The following ARHGEF28 variants were observed in gnomAD, a reference collection of about 807,000 sequenced individuals.
The protein encoded by ARHGEF28 is 190 kDa guanine nucleotide exchange factor.
In ARHGEF28, 152 loss-of-function variants were observed where a neutral mutation model predicts 206.6. That is an observed-to-expected ratio of 0.74 (90% CI 0.64 to 0.84). The LOEUF (loss-of-function observed/expected upper bound fraction) is 0.84. Ranked by LOEUF, ARHGEF28 falls within the 40% of genes least tolerant of loss-of-function variation. The pLI, the probability that ARHGEF28 is intolerant of heterozygous loss-of-function variation, is 0.00. For missense variants in ARHGEF28, 2,028 were observed against 2,073.2 expected (o/e 0.98, Z 0.42); for synonymous variants, 763 against 776.4 (o/e 0.98, Z 0.29).
intron 2 of ARHGEF28, among the ~76,000 whole-genome samples, chr5:73,739,196 A>G (rs1751207704): frequency 6.6e-6 from 1 of 152,086 alleles, no homozygotes; most frequent in Non-Finnish European, 1.5e-5. Flanking sequence ...CTTTATTATT[A>G]TAAATGTGTT....
chr5:73,687,336 A>G (rs985742502), intron 2 of ARHGEF28, among the ~76,000 whole-genome samples: 14 of 151,878 alleles, frequency 9.2e-5, no homozygotes, highest in Admixed American at 6.6e-4. Flanking sequence ...TATTAAATGT[A>G]TATTATAAAT....
intron 35 of ARHGEF28, among the ~76,000 whole-genome samples, chr5:73,932,271 T>C (rs975549477): frequency 6.6e-6 from 1 of 152,218 alleles, no homozygotes; most frequent in Non-Finnish European, 1.5e-5. Flanking sequence ...TCTGACATAC[T>C]TTTTCATGGC....
At chr5:73,761,480 G>T (rs1198773846) in intron 4 of ARHGEF28, among the ~76,000 whole-genome samples, 1 of 152,152 alleles carries the variant, frequency 6.6e-6, no homozygotes, top group Non-Finnish European at 1.5e-5. Flanking sequence ...AGCCAGAAGA[G>T]ATGGTACATT....
intron 1 of ARHGEF28, among the ~76,000 whole-genome samples, chr5:73,671,948 G>C (rs55756324): frequency 0.38 from 56,998 of 150,116 alleles, 11,951 homozygotes; most frequent in Admixed American, 0.54. Flanking sequence ...GTAGAGATGG[G>C]GTTTCACTAT....
At chr5:73,906,037 A>G (rs1762529858) in intron 33 of ARHGEF28, among the ~76,000 whole-genome samples, 2 of 152,266 alleles carry the variant, frequency 1.3e-5, no homozygotes, top group Admixed American at 1.3e-4. Flanking sequence ...AGCAGAAAAT[A>G]TAAAGGCATG....
chr5:73,723,700 G>T (rs1006722967), intron 2 of ARHGEF28, among the ~76,000 whole-genome samples: 2 of 152,146 alleles, frequency 1.3e-5, no homozygotes, highest in Admixed American at 6.5e-5. Flanking sequence ...CATTTAAGAG[G>T]ATAAGCCATT....
At chr5:73,816,738 C>A (rs778880542) in intron 9 of ARHGEF28, among the ~76,000 whole-genome samples, 1 of 152,210 alleles carries the variant, frequency 6.6e-6, no homozygotes, top group Non-Finnish European at 1.5e-5. Context: ...GAAGCAGTGC[C>A]TTTGGAAATG....
chr5:73,926,972 G>T (rs1763850006), intron 35 of ARHGEF28, among the ~76,000 whole-genome samples: 1 of 152,120 alleles, frequency 6.6e-6, no homozygotes, highest in Admixed American at 6.5e-5. Flanking sequence ...CCATTAAAGA[G>T]GAGTTAATTA....
At chr5:73,629,492 A>G (rs1743225416) in intron 1 of ARHGEF28, among the ~76,000 whole-genome samples, 1 of 141,138 alleles carries the variant, frequency 7.1e-6, no homozygotes, top group Non-Finnish European at 1.5e-5. Flanking sequence ...TGGGTGACAG[A>G]AAAAGACTCT....
chr5:73,761,234 A>G (rs921836515), intron 4 of ARHGEF28, among the ~76,000 whole-genome samples: 1 of 152,174 alleles, frequency 6.6e-6, no homozygotes, highest in Non-Finnish European at 1.5e-5. Flanking sequence ...AATGACAGTA[A>G]CCAAGGAATA....
At chr5:73,777,604 G>T (rs189516814) in intron 6 of ARHGEF28, among the ~76,000 whole-genome samples, 27 of 152,196 alleles carry the variant, frequency 1.8e-4, no homozygotes, top group African/African-American at 6.5e-4. Flanking sequence ...ATTATTATTG[G>T]CTTACTCCAT....
chr5:73,787,413 G>T, intron 7 of ARHGEF28, among the ~76,000 whole-genome samples: 1 of 152,156 alleles, frequency 6.6e-6, no homozygotes, highest in Non-Finnish European at 1.5e-5. Flanking sequence ...TTATTATTAA[G>T]TTCTGGGATA....
rs926071964 is a variant in ARHGEF28, at chr5:73,901,080, T to A, written c.3974-104T>A. On this transcript the variant is annotated intron_variant, in intron 30 of 35. Coordinates refer to ENST00000513042, the MANE Select transcript of ARHGEF28 (RefSeq NM_001177693.2). The stretch of plus-strand genomic sequence containing the variant: ...ACTCAATATGTATTATTTTGTGGTG[T>A]TTCCTATTTTGAAATATGTGTTGGC... The A allele has an allele frequency of 1.2e-5, 10 of 837,644 alleles. No individual in the cohort carries two copies. In the Admixed American group the frequency reaches 1.5e-4, roughly 13 times the overall value. 51.9% of individuals were successfully genotyped at this position (837,644 alleles called of 1,614,324 possible).
chr5:73,650,375 C>G (rs1287299504), intron 1 of ARHGEF28, among the ~76,000 whole-genome samples: 1 of 144,814 alleles, frequency 6.9e-6, no homozygotes, highest in East Asian at 2.1e-4. Flanking sequence ...ACTTCCGCCT[C>G]TTGGGTTCAA....
At chr5:73,691,734 A>T (rs1208614302) in intron 2 of ARHGEF28, among the ~76,000 whole-genome samples, 2 of 152,228 alleles carry the variant, frequency 1.3e-5, no homozygotes, top group Non-Finnish European at 2.9e-5. Context: ...GATACTTTGT[A>T]TAAACTCCTA....
chr5:73,713,715 A>G (rs566307292), intron 2 of ARHGEF28, among the ~76,000 whole-genome samples: 1 of 152,306 alleles, frequency 6.6e-6, no homozygotes, highest in Admixed American at 6.5e-5. Context: ...TTATTTATGA[A>G]GTAGACTTTT....
chr5:73,878,307 C>G (rs1442503203), intron 22 of ARHGEF28, among the ~76,000 whole-genome samples: 6 of 150,572 alleles, frequency 4.0e-5, no homozygotes, highest in African/African-American at 1.2e-4. Context: ...TTATTTTGAG[C>G]CTATGTGTGT....
intron 26 of ARHGEF28, among the ~76,000 whole-genome samples, chr5:73,889,654 A>G (rs1170306920): frequency 6.6e-6 from 1 of 152,250 alleles, no homozygotes; most frequent in Admixed American, 6.5e-5. Flanking sequence ...GTGTAACAAT[A>G]CAGCTAAGCA....
intron 9 of ARHGEF28, among the ~76,000 whole-genome samples, chr5:73,831,477 T>C (rs1344869751): frequency 2.0e-5 from 3 of 152,276 alleles, no homozygotes; most frequent in South Asian, 2.1e-4. Flanking sequence ...GTAACCAAAA[T>C]AGAAGTAAAA....
Sources: gnomAD v4.1 joint callset for allele counts (sites outside exome capture counted in the v4.1 genomes callset) on GRCh38, gnomAD v4.1.1 for gene constraint, MANE v1.5 for transcripts, NCBI Gene and HGNC (gene_info 2026-07-23, HGNC 2026-07-21) for gene names.